The following GPC6 variants were observed in gnomAD, a reference collection of about 807,000 sequenced individuals.
GPC6 encodes glypican 6.
GPC6 carries 14 observed loss-of-function variants against 55.2 expected under a neutral mutation model. The observed-to-expected ratio is 0.25, with a 90% CI of 0.17 to 0.40. GPC6 has a LOEUF of 0.40. GPC6 is among the 10% of genes least tolerant of loss of function. GPC6 has a pLI of 1.00. For synonymous variants in GPC6, 278 were observed against 259.6 expected (o/e 1.07, Z -0.68); for missense variants, 641 against 708.5 (o/e 0.90, Z 1.08).
intron 3 of GPC6, among the ~76,000 whole-genome samples, chr13:93,832,849 T>C (rs150803199): frequency 3.1e-4 from 47 of 152,280 alleles, no homozygotes; most frequent in African/African-American, 1.1e-3. Context: ...GTATTCTCTC[T>C]CCCACTGATC....
At position 93,436,261 on chromosome 13, in the gene GPC6, T is replaced by A. The variant is rs138962467; in HGVS notation, c.161-109002T>A. On this transcript the variant is annotated intron_variant, in intron 1 of 8. Coordinates refer to ENST00000377047, the MANE Select transcript of GPC6 (RefSeq NM_005708.5). ...CATTGTAAATGACATTGAAATCATC[T>A]GCATGCCAATTCTCAGTGGTAAAAG... Among the ~76,000 whole-genome samples the A allele has an allele frequency of 3.5e-3, 526 of 152,256 alleles. 6 individuals carry two copies. Among genetic ancestry groups the A allele is most frequent in the African/African-American group, 0.012 (497 of 41,546 alleles).
intron 6 of GPC6, among the ~76,000 whole-genome samples, chr13:94,329,816 T>G (rs1352146728): frequency 6.6e-6 from 1 of 151,618 alleles, no homozygotes; most frequent in African/African-American, 2.4e-5. Context: ...TGGTCCTATT[T>G]GGGACAAAAA....
At chr13:93,633,403 T>G (rs1353007728) in intron 2 of GPC6, among the ~76,000 whole-genome samples, 1 of 152,132 alleles carries the variant, frequency 6.6e-6, no homozygotes, top group Non-Finnish European at 1.5e-5. Flanking sequence ...CACAGCACTT[T>G]GGGAGGCCGA....
intron 2 of GPC6, among the ~76,000 whole-genome samples, chr13:93,683,689 C>G (rs144434792): frequency 9.9e-4 from 151 of 152,264 alleles, no homozygotes; most frequent in African/African-American, 3.4e-3. Flanking sequence ...ATGCTCCTTT[C>G]AAACAGAATT....
chr13:94,331,928 CTCTT>C (rs1341695447), intron 6 of GPC6, among the ~76,000 whole-genome samples: 1 of 152,156 alleles, frequency 6.6e-6, no homozygotes, highest in Non-Finnish European at 1.5e-5. Flanking sequence ...GCTCTTCTCT[CTCTT>C]TTTTTCTTCT....
chr13:93,758,311 A>G (rs1884845241), intron 2 of GPC6, among the ~76,000 whole-genome samples: 1 of 152,184 alleles, frequency 6.6e-6, no homozygotes, highest in African/African-American at 2.4e-5. Context: ...TTCCCTGAGA[A>G]GGAAGTGTCG....
intron 1 of GPC6, among the ~76,000 whole-genome samples, chr13:93,256,875 C>T (rs1876971641): frequency 6.6e-6 from 1 of 152,082 alleles, no homozygotes; most frequent in Admixed American, 6.6e-5. Flanking sequence ...TGTTTCTATA[C>T]CATGTCAATT....
chr13:93,487,373 C>T (rs1444312118), intron 1 of GPC6, among the ~76,000 whole-genome samples: 1 of 152,158 alleles, frequency 6.6e-6, no homozygotes, highest in Admixed American at 6.5e-5. Flanking sequence ...TTCTCCCATC[C>T]TCTACCCTCA....
chr13:93,498,397 C>A (rs1192402691), intron 1 of GPC6, among the ~76,000 whole-genome samples: 3 of 152,184 alleles, frequency 2.0e-5, no homozygotes, highest in African/African-American at 7.2e-5. Context: ...CCTACAAACA[C>A]CTGAGGATGG....
intron 3 of GPC6, among the ~76,000 whole-genome samples, chr13:94,018,675 G>A (rs941449511): frequency 6.6e-5 from 10 of 152,152 alleles, no homozygotes; most frequent in Non-Finnish European, 4.4e-5. Flanking sequence ...AGGGGTATTT[G>A]TCTATAGCAG....
In GPC6 at chr13:94,027,833, C is replaced by A; in HGVS notation, c.816C>A (p.Asn272Lys). 6.2e-7 allele frequency: 1 copy of A among 1,614,014 alleles called. No individual in the cohort carries two copies. Among genetic ancestry groups the A allele is most frequent in the South Asian group, 1.1e-5 (1 of 91,080 alleles). The change falls in exon 4 of 9, where the codon AAC (asparagine) becomes AAA (lysine). Residue 272 changes from asparagine to lysine, a missense_variant. Coordinates refer to ENST00000377047, the MANE Select transcript of GPC6 (RefSeq NM_005708.5). Reference sequence around the variant, plus strand: ...GGCCCTGCAACAACTACTGTCTCAACGTCATGAAGGGCTGCTTGGCAAATC... The same window carrying A: ...GGCCCTGCAACAACTACTGTCTCAAAGTCATGAAGGGCTGCTTGGCAAATC... ...TVRPCNNYCLNVMKGCLANQA... is the reference protein window; with the variant it reads ...TVRPCNNYCLKVMKGCLANQA...
chr13:93,526,874 A>G lies in GPC6; in HGVS notation c.161-18389A>G, dbSNP rs755311099. 4.6e-5 allele frequency among the ~76,000 whole-genome samples: 7 copies of G among 152,088 alleles called. No homozygotes were observed. In the South Asian group the frequency reaches 1.2e-3, roughly 27 times the overall value. On this transcript the variant is annotated intron_variant, in intron 1 of 8. Transcript: ENST00000377047. ...AAATGCTAGGTAAAAGCAGGGATACATGTGGCTTCCAGCAGTATCATAGGA... is the reference window on the plus strand; with the variant it reads ...AAATGCTAGGTAAAAGCAGGGATACGTGTGGCTTCCAGCAGTATCATAGGA...
intron 4 of GPC6, among the ~76,000 whole-genome samples, chr13:94,177,625 A>G (rs2138941089): frequency 6.6e-6 from 1 of 152,336 alleles, no homozygotes; most frequent in Middle Eastern, 3.4e-3. Context: ...GATGCCTGAT[A>G]AAGATGAAAT....
rs1189074730 is a variant in GPC6, at chr13:94,407,300, A to G, written c.*4083A>G. The G allele has an allele frequency of 2.0e-5, 3 of 152,156 alleles. No homozygotes were observed. The highest frequency in any genetic ancestry group is 4.4e-5 in the Non-Finnish European group (3 of 67,990). 9.4% of individuals were successfully genotyped at this position (152,156 alleles called of 1,614,324 possible). On this transcript the variant is annotated 3_prime_UTR_variant, in exon 9 of 9. Coordinates refer to ENST00000377047, the MANE Select transcript of GPC6 (RefSeq NM_005708.5). Reference sequence around the variant, plus strand: ...GTGCACCAATCAAATCTAAAATTTTATGTGACTGTCAAATGAATATTATTT... The same window carrying G: ...GTGCACCAATCAAATCTAAAATTTTGTGTGACTGTCAAATGAATATTATTT...
intron 3 of GPC6, among the ~76,000 whole-genome samples, chr13:93,922,344 A>G (rs1253003127): frequency 2.6e-5 from 4 of 152,248 alleles, no homozygotes; most frequent in Admixed American, 2.6e-4. Context: ...CAAGATTCAA[A>G]TAAGCATATG....
At chr13:93,451,953 C>T (rs1308337579) in intron 1 of GPC6, among the ~76,000 whole-genome samples, 1 of 151,918 alleles carries the variant, frequency 6.6e-6, no homozygotes, top group South Asian at 2.1e-4. Flanking sequence ...ATTGAGATGC[C>T]ATCTTAGCTG....
chr13:93,268,786 T>C (rs1877411406), intron 1 of GPC6, among the ~76,000 whole-genome samples: 1 of 152,112 alleles, frequency 6.6e-6, no homozygotes, highest in African/African-American at 2.4e-5. Context: ...AAAGACATCA[T>C]TGCTCAACCT....
chr13:94,100,054 A>T (rs766823924), intron 4 of GPC6, among the ~76,000 whole-genome samples: 19 of 152,132 alleles, frequency 1.2e-4, no homozygotes, highest in Non-Finnish European at 2.4e-4. Flanking sequence ...GTACATGAGT[A>T]CATGGGTTTA....
rs188511208 is a variant in GPC6, at chr13:93,847,802, T to C, written c.711+17257T>C. 5.7e-4 allele frequency among the ~76,000 whole-genome samples: 87 copies of C among 152,272 alleles called. No individual in the cohort carries two copies. The East Asian group carries it at 0.016, about 28-fold the overall frequency. On this transcript the variant is annotated intron_variant, in intron 3 of 8. Coordinates refer to ENST00000377047, the MANE Select transcript of GPC6 (RefSeq NM_005708.5). ...TGTAATTCATTTTCCTTTTGTAATATAGAGAGTCAGATCAACCTGGCAGAA... is the reference window on the plus strand; with the variant it reads ...TGTAATTCATTTTCCTTTTGTAATACAGAGAGTCAGATCAACCTGGCAGAA...
Sources: gnomAD v4.1 joint callset for allele counts (sites outside exome capture counted in the v4.1 genomes callset) on GRCh38, gnomAD v4.1.1 for gene constraint, MANE v1.5 for transcripts, NCBI Gene and HGNC (gene_info 2026-07-23, HGNC 2026-07-21) for gene names.